The following GIMAP2 variants were observed in gnomAD, a reference collection of about 807,000 sequenced individuals.
The protein encoded by GIMAP2 is GTPase IMAP family member 2.
GIMAP2 carries 22 observed loss-of-function variants against 25.5 expected under a neutral mutation model. The ratio of observed to expected loss-of-function variants is 0.86; its 90% CI spans 0.62 to 1.23. The LOEUF is 1.23. Ranked by LOEUF, GIMAP2 falls within the 50% of genes most tolerant of loss-of-function variation. The pLI, the probability that GIMAP2 is intolerant of heterozygous loss-of-function variation, is 0.00. For missense variants in GIMAP2, 422 were observed against 395.7 expected, an observed-to-expected ratio of 1.07 and a Z score of -0.56; for synonymous variants, 167 against 143.0, an observed-to-expected ratio of 1.17 and a Z score of -1.20.
At chr7:150,691,350 C>T (rs1796963912) in intron 2 of GIMAP2, among the ~76,000 whole-genome samples, 1 of 152,170 alleles carries the variant, frequency 6.6e-6, no homozygotes. Context: ...CCTAAAGCCT[C>T]AAGCTCCTTC....
At chr7:150,686,943 C>CAAAAAAAAAAAAAAAA in intron 1 of GIMAP2, 109 bp from the exon 2 acceptor site, 2 of 483,906 alleles carry the variant, frequency 4.1e-6, no homozygotes, top group Non-Finnish European at 3.3e-6. Flanking sequence ...AACTGTGTCT[C>CAAAAAAAAAAAAAAAA]AAAAAAAAAA....
chr7:150,692,641 A>G lies in GIMAP2; in HGVS notation c.355A>G (p.Thr119Ala), dbSNP rs1273602810. The change falls in exon 3 of 3, where the codon ACC (threonine) becomes GCC (alanine). Residue 119 changes from threonine to alanine, a missense_variant. By Grantham distance (58) the Thr-to-Ala change is moderately conservative (BLOSUM62 0). Transcript: ENST00000223293. Reference sequence around the variant, plus strand: ...CCTGGTGACTCAGCTGGGCCGCTATACCTCACAGGACCAGCAGGCTGCACA... The same window carrying G: ...CCTGGTGACTCAGCTGGGCCGCTATGCCTCACAGGACCAGCAGGCTGCACA... Reference protein sequence around the residue: ...LLLVTQLGRYTSQDQQAAQRV... With the variant: ...LLLVTQLGRYASQDQQAAQRV... 1 of 1,613,956 alleles carries G rather than the reference A, an allele frequency of 6.2e-7. No individual in the cohort carries two copies. Among genetic ancestry groups the G allele is most frequent in the African/African-American group, 1.3e-5 (1 of 74,866 alleles).
chr7:150,686,380 G>A (rs1796900458), intron 1 of GIMAP2, among the ~76,000 whole-genome samples: 2 of 152,166 alleles, frequency 1.3e-5, no homozygotes, highest in Admixed American at 1.3e-4. Context: ...AGGGAGGACT[G>A]AGCCTAAGGT....
Position 150,693,163 on chromosome 7 carries a change from AGCATGT to A in GIMAP2, c.881_886del (p.Met294_Cys295del), listed in dbSNP as rs747185152. 2.2e-5 allele frequency: 36 copies of A among 1,613,568 alleles called. No individual in the cohort carries two copies. The highest frequency in any genetic ancestry group is 3.0e-5 in the Non-Finnish European group (35 of 1,179,678). ...AATTCTGTGGCTTTGCATACTGCACAGCATGTGCAATTTGTTTTGTTGCTTACTCTT... is the reference window on the plus strand; with the variant it reads ...AATTCTGTGGCTTTGCATACTGCACAGCAATTTGTTTTGTTGCTTACTCTT... On this transcript the variant is annotated inframe_deletion, in exon 3 of 3. Coordinates refer to ENST00000223293, the MANE Select transcript of GIMAP2 (RefSeq NM_015660.3).
chr7:150,688,582 C>G (rs1585206544), intron 2 of GIMAP2, among the ~76,000 whole-genome samples: 2 of 152,154 alleles, frequency 1.3e-5, no homozygotes, highest in African/African-American at 4.8e-5. Flanking sequence ...ATTTGAGTTT[C>G]TCCTTCCTCT....
rs548847386 is a variant in GIMAP2, at chr7:150,686,117, C to A, written c.-9+332C>A. Among the ~76,000 whole-genome samples the A allele has an allele frequency of 2.6e-5, 4 of 152,322 alleles. No individual in the cohort carries two copies. The East Asian group carries it at 7.7e-4, about 29-fold the overall frequency. ...AGCAAGAGAAACTAGCTGATGAAAA[C>A]GTACCGATATTTCTCACTCCATAGT... is the stretch of plus-strand genomic sequence containing the variant. On this transcript the variant is annotated intron_variant, in intron 1 of 2. Transcript: ENST00000223293.
intron 1 of GIMAP2, among the ~76,000 whole-genome samples, chr7:150,686,376 G>C (rs1257498126): frequency 6.6e-6 from 1 of 152,108 alleles, no homozygotes. Context: ...GGAAAGGGAG[G>C]ACTGAGCCTA....
intron 2 of GIMAP2, among the ~76,000 whole-genome samples, chr7:150,691,606 C>T (rs1388490922): frequency 1.3e-5 from 2 of 152,216 alleles, no homozygotes; most frequent in Non-Finnish European, 2.9e-5. Context: ...CATGACCCCA[C>T]TCTGCCCAGC....
chr7:150,693,369 T>G lies in GIMAP2; in HGVS notation c.*69T>G. 9.8e-7 allele frequency: 1 copy of G among 1,020,064 alleles called. No individual in the cohort carries two copies. Among genetic ancestry groups the G allele is most frequent in the Non-Finnish European group, 1.4e-6 (1 of 707,076 alleles). The allele number at this position is 1,020,064 out of a possible 1,614,324, so 63.2% of individuals were successfully genotyped here. ...GAATCACAGTAATTTCCCTGTAAAA[T>G]GTGGTACCTGAAGTCATATTTGAGA... On this transcript the variant is annotated 3_prime_UTR_variant, in exon 3 of 3. Transcript: ENST00000223293.
In GIMAP2 at chr7:150,692,176, G is replaced by A. The variant is rs910391624; in HGVS notation, c.29-139G>A. 93 of 752,364 alleles carry A rather than the reference G, an allele frequency of 1.2e-4. 1 individual carries two copies. Among genetic ancestry groups the A allele is most frequent in the Admixed American group, 5.9e-5 (2 of 34,062 alleles). The allele number at this position is 752,364 out of a possible 1,614,324, so 46.6% of individuals were successfully genotyped here. On this transcript the variant is annotated intron_variant, in intron 2 of 2. Transcript: ENST00000223293. ...GGAGGTGGAGCTTGCAGTGACCCGA[G>A]ATCACGCCATTGCACTCCAGCCTGG...
intron 1 of GIMAP2, 89 bp from the exon 2 acceptor site, chr7:150,686,963 A>AT: frequency 1.1e-6 from 1 of 891,796 alleles, no homozygotes; most frequent in Non-Finnish European, 1.7e-6. Context: ...AAAAAAAAAA[A>AT]GAAAGAAAGA....
In GIMAP2 at chr7:150,689,491, G is replaced by A. The variant is rs113798336; in HGVS notation, c.28+2404G>A. 1.3e-3 allele frequency: 947 copies of A among 702,944 alleles called. 6 individuals are homozygous for A. In the African/African-American group the frequency reaches 0.015, roughly 11 times the overall value. The allele number at this position is 702,944 out of a possible 1,614,324, so 43.5% of individuals were successfully genotyped here. On this transcript the variant is annotated intron_variant, in intron 2 of 2. Coordinates refer to ENST00000223293, the MANE Select transcript of GIMAP2 (RefSeq NM_015660.3). ...TCCCTTCATTTCTGTTTTCATAGGC[G>A]AGAGGAAGGTTAAACGTGCAATTTG...
chr7:150,689,215 T>C (rs1412032666), intron 2 of GIMAP2, among the ~76,000 whole-genome samples: 4 of 152,258 alleles, frequency 2.6e-5, no homozygotes, highest in Non-Finnish European at 5.9e-5. Context: ...TCAAGAATTC[T>C]CTTCACTTTG....
In GIMAP2 at chr7:150,685,798, T is replaced by A. The variant is rs527591729; in HGVS notation, c.-9+13T>A. ...AACAGTAAATCAGGTAAGCCCAGATTTACGAAAAGTTCTGCAGTGTTGATT... is the reference window on the plus strand; with the variant it reads ...AACAGTAAATCAGGTAAGCCCAGATATACGAAAAGTTCTGCAGTGTTGATT... On this transcript the variant is annotated intron_variant, in intron 1 of 2. Coordinates refer to ENST00000223293, the MANE Select transcript of GIMAP2 (RefSeq NM_015660.3). 11 of 952,128 alleles carry A rather than the reference T, an allele frequency of 1.2e-5. No homozygotes were observed. Among genetic ancestry groups the A allele is most frequent in the African/African-American group, 1.1e-4 (6 of 56,592 alleles). The allele number at this position is 952,128 out of a possible 1,614,324, so 59.0% of individuals were successfully genotyped here. A position where few individuals can be genotyped will look rare whatever the true frequency, so the allele number is the denominator to read the frequency against.
intron 2 of GIMAP2, chr7:150,687,664 CCTT>C (rs1270502429): frequency 6.6e-6 from 1 of 152,094 alleles, no homozygotes; most frequent in African/African-American, 2.4e-5. Context: ...TTGAAATACT[CCTT>C]CTCCTACCAT....
chr7:150,691,657 G>A (rs930461080), intron 2 of GIMAP2, among the ~76,000 whole-genome samples: 5 of 152,216 alleles, frequency 3.3e-5, no homozygotes, highest in African/African-American at 1.2e-4. Flanking sequence ...AACAGAGCCA[G>A]GTCACTTGGC....
intron 2 of GIMAP2, among the ~76,000 whole-genome samples, chr7:150,690,048 C>T (rs940955726): frequency 1.4e-4 from 21 of 152,304 alleles, no homozygotes; most frequent in African/African-American, 4.8e-4. Context: ...GAAAACTTCT[C>T]TTGATGGGTG....
At chr7:150,687,220 A>G in intron 2 of GIMAP2, 133 bp downstream of exon 2, 1 of 731,848 alleles carries the variant, frequency 1.4e-6, no homozygotes, top group Non-Finnish European at 2.3e-6. Context: ...TAACTCCCAC[A>G]GCTACCACCA....
In GIMAP2 at chr7:150,689,783, T is replaced by C. The variant is rs111986695; in HGVS notation, c.29-2532T>C. The C allele has an allele frequency of 1.8e-3, 772 of 437,104 alleles. 5 individuals carry two copies. Among genetic ancestry groups the C allele is most frequent in the African/African-American group, 0.015 (731 of 49,998 alleles). The allele number at this position is 437,104 out of a possible 1,614,324, so 27.1% of individuals were successfully genotyped here. Reference sequence around the variant, plus strand: ...TGGCAAAGCACTAATACTTCAGGCATAGAAAACGGGCAGGTTCAAATGCCA... The same window carrying C: ...TGGCAAAGCACTAATACTTCAGGCACAGAAAACGGGCAGGTTCAAATGCCA... On this transcript the variant is annotated intron_variant, in intron 2 of 2. Transcript: ENST00000223293.
Sources: allele counts gnomAD v4.1 joint callset (sites outside exome capture counted in the v4.1 genomes callset), GRCh38; gene constraint gnomAD v4.1.1; transcripts MANE v1.5; gene names NCBI Gene and HGNC (gene_info 2026-07-23, HGNC 2026-07-21).